The following ADAMTS3 variants were observed in gnomAD, a reference collection of about 807,000 sequenced individuals.
ADAMTS3 encodes the protein ADAM metallopeptidase with thrombospondin type 1 motif 3.
Under a neutral mutation model 129.0 loss-of-function variants are expected in ADAMTS3, and 73 were observed. That is an observed-to-expected ratio of 0.57 (90% confidence interval 0.47 to 0.69). The LOEUF (loss-of-function observed/expected upper bound fraction) is 0.69, where lower values mean the gene tolerates loss of function less well. ADAMTS3 is among the 30% of genes least tolerant of loss of function. ADAMTS3 has a pLI of 0.00. For missense variants in ADAMTS3, 1,457 were observed against 1,514.5 expected (o/e 0.96, Z 0.63); for synonymous variants, 477 against 510.8 (o/e 0.93, Z 0.89).
At chr4:72,422,304 A>G (rs1722466516) in intron 3 of ADAMTS3, among the ~76,000 whole-genome samples, 1 of 152,092 alleles carries the variant, frequency 6.6e-6, no homozygotes, top group African/African-American at 2.4e-5. Context: ...ATAATGTTTT[A>G]TAAATTTCCC....
At chr4:72,557,964 G>C (rs1371885133) in intron 2 of ADAMTS3, among the ~76,000 whole-genome samples, 2 of 151,790 alleles carry the variant, frequency 1.3e-5, no homozygotes, top group Non-Finnish European at 2.9e-5. Flanking sequence ...TTACAGACTC[G>C]AGAGCTATGT....
At chr4:72,547,126 G>T (rs1252079214) in intron 3 of ADAMTS3, among the ~76,000 whole-genome samples, 2 of 152,124 alleles carry the variant, frequency 1.3e-5, no homozygotes, top group African/African-American at 4.8e-5. Flanking sequence ...TAAAGAAGTA[G>T]AGCATTTTTC....
chr4:72,400,999 C>G (rs1444134861), intron 4 of ADAMTS3, among the ~76,000 whole-genome samples: 1 of 149,924 alleles, frequency 6.7e-6, no homozygotes, highest in Non-Finnish European at 1.5e-5. Context: ...TAGACCCACA[C>G]TGTCCAATAC....
At position 72,484,032 on chromosome 4, in the gene ADAMTS3, G is replaced by GA. The variant is rs201074741; in HGVS notation, c.504+64445dup. Among the ~76,000 whole-genome samples, 651 of 146,146 alleles carry GA rather than the reference G, an allele frequency of 4.5e-3. 8 individuals carry two copies. Among genetic ancestry groups the GA allele is most frequent in the African/African-American group, 0.015 (598 of 39,868 alleles). On this transcript the variant is annotated intron_variant, in intron 3 of 21. Coordinates refer to ENST00000286657, the MANE Select transcript of ADAMTS3 (RefSeq NM_014243.3). Reference sequence around the variant, plus strand: ...GACTCCGTCTCAAAAAAGAAAGAAAGAAAAAAAAAAGATAGCATTTGTTTG... The same window carrying GA: ...GACTCCGTCTCAAAAAAGAAAGAAAGAAAAAAAAAAAGATAGCATTTGTTTG...
intron 21 of ADAMTS3, among the ~76,000 whole-genome samples, chr4:72,287,878 T>C (rs1445645448): frequency 6.6e-6 from 1 of 152,150 alleles, no homozygotes; most frequent in East Asian, 1.9e-4. Context: ...TATTTACTTA[T>C]GTTTTGAAAT....
intron 4 of ADAMTS3, among the ~76,000 whole-genome samples, chr4:72,390,828 G>C (rs1196630328): frequency 6.7e-6 from 1 of 150,002 alleles, no homozygotes; most frequent in African/African-American, 2.5e-5. Context: ...AACCGTTCCT[G>C]AAAACTTCCA....
chr4:72,283,858 A>C (rs1488709668), intron 21 of ADAMTS3, among the ~76,000 whole-genome samples, 154 bp from the exon 22 acceptor site: 1 of 152,256 alleles, frequency 6.6e-6, no homozygotes, highest in East Asian at 1.9e-4. Flanking sequence ...TAAAAATATG[A>C]ATATTAGAAT....
chr4:72,315,625 A>T (rs150639464), intron 11 of ADAMTS3, among the ~76,000 whole-genome samples: 4 of 152,286 alleles, frequency 2.6e-5, no homozygotes, highest in Admixed American at 2.6e-4. Flanking sequence ...TCTGGCCTCT[A>T]GAACTGTGAG....
intron 3 of ADAMTS3, among the ~76,000 whole-genome samples, chr4:72,539,513 A>AC (rs869170796): frequency 2.1e-5 from 3 of 142,352 alleles, no homozygotes; most frequent in Non-Finnish European, 4.6e-5. Context: ...AAAAAAAAAA[A>AC]CAGAAAATAA....
chr4:72,548,934 A>C (rs748599830), intron 2 of ADAMTS3, 50 bp from the exon 3 acceptor site: 5 of 1,543,834 alleles, frequency 3.2e-6, no homozygotes, highest in Non-Finnish European at 4.4e-6. Context: ...AAGAGAACAC[A>C]GGAGAACATA....
At chr4:72,476,314 GAAT>G (rs1001577947) in intron 3 of ADAMTS3, among the ~76,000 whole-genome samples, 5 of 151,726 alleles carry the variant, frequency 3.3e-5, no homozygotes, top group African/African-American at 1.2e-4. Context: ...GATAACAAAA[GAAT>G]AATGATAGAA....
chr4:72,414,640 C>G (rs1247991011), intron 4 of ADAMTS3, among the ~76,000 whole-genome samples, 175 bp downstream of exon 4: 2 of 151,864 alleles, frequency 1.3e-5, no homozygotes, highest in Non-Finnish European at 2.9e-5. Flanking sequence ...AACATATACT[C>G]TATGCATTTT....
rs1010705162 is a variant in ADAMTS3, at chr4:72,568,820, C to T, written c.-58G>A. ...AAAGCAAATGCCCAGAGCAAACCCACCCCCCCCGCCCAAAATAAGTTTCTT... is the reference window on the plus strand; with the variant it reads ...AAAGCAAATGCCCAGAGCAAACCCATCCCCCCCGCCCAAAATAAGTTTCTT... On this transcript the variant is annotated 5_prime_UTR_variant, in exon 1 of 22. It adds an upstream start codon to the 5' untranslated region. Coordinates refer to ENST00000286657, the MANE Select transcript of ADAMTS3 (RefSeq NM_014243.3). 3 of 972,590 alleles carry T rather than the reference C, an allele frequency of 3.1e-6. No individual in the cohort carries two copies. Among genetic ancestry groups the T allele is most frequent in the African/African-American group, 2.6e-5 (1 of 39,086 alleles). 60.2% of individuals were successfully genotyped at this position (972,590 alleles called of 1,614,324 possible). A position where few individuals can be genotyped will look rare whatever the true frequency, so the allele number is the denominator to read the frequency against.
chr4:72,310,264 G>A (rs533650497), intron 14 of ADAMTS3, among the ~76,000 whole-genome samples: 1 of 152,116 alleles, frequency 6.6e-6, no homozygotes, highest in South Asian at 2.1e-4. Context: ...GTAGAATAAT[G>A]ATACACAATA....
chr4:72,447,351 C>G (rs375396235), intron 3 of ADAMTS3, among the ~76,000 whole-genome samples: 1 of 151,740 alleles, frequency 6.6e-6, no homozygotes, highest in African/African-American at 2.4e-5. Context: ...CCAAATCTTA[C>G]CTTCTAATTT....
In ADAMTS3 at chr4:72,282,909, A is replaced by G. The variant is rs1375367867; in HGVS notation, c.*227T>C. ...CTTAGCAACATATTTTTCTTTTGTA[A>G]TAATCTTTGGTGATTTCTTCCAATG... On this transcript the variant is annotated 3_prime_UTR_variant, in exon 22 of 22. Transcript: ENST00000286657. 2.5e-6 allele frequency: 1 copy of G among 406,710 alleles called. No homozygotes were observed. Among genetic ancestry groups the G allele is most frequent in the African/African-American group, 2.0e-5 (1 of 49,072 alleles). 25.2% of individuals were successfully genotyped at this position (406,710 alleles called of 1,614,324 possible). A position where few individuals can be genotyped will look rare whatever the true frequency, so the allele number is the denominator to read the frequency against.
At chr4:72,369,630 G>A (rs112137873) in intron 4 of ADAMTS3, among the ~76,000 whole-genome samples, 1 of 151,728 alleles carries the variant, frequency 6.6e-6, no homozygotes, top group African/African-American at 2.4e-5. Flanking sequence ...AGAATTGTTC[G>A]ATCCTGGTAG....
intron 14 of ADAMTS3, among the ~76,000 whole-genome samples, chr4:72,309,945 T>C (rs1423112287): frequency 6.6e-6 from 1 of 152,014 alleles, no homozygotes; most frequent in Non-Finnish European, 1.5e-5. Flanking sequence ...GAGACAAAAC[T>C]TCACCAGGGT....
chr4:72,528,636 C>T (rs746899975), intron 3 of ADAMTS3, among the ~76,000 whole-genome samples: 160 of 151,596 alleles, frequency 1.1e-3, no homozygotes, highest in Non-Finnish European at 2.0e-3. Context: ...CATAAAAACA[C>T]TACTCAGGAG....
Sources: gnomAD v4.1 joint callset for allele counts (sites outside exome capture counted in the v4.1 genomes callset) on GRCh38, gnomAD v4.1.1 for gene constraint, MANE v1.5 for transcripts, NCBI Gene and HGNC (gene_info 2026-07-23, HGNC 2026-07-21) for gene names.